The following ST14 variants were observed in gnomAD, a reference collection of about 807,000 sequenced individuals.
The protein encoded by ST14 is suppressor of tumorigenicity 14 protein.
Under a neutral mutation model 96.5 loss-of-function variants are expected in ST14, and 40 were observed. The observed-to-expected ratio is 0.41, with a 90% CI of 0.32 to 0.54. The LOEUF is 0.54. ST14 is among the 20% of genes least tolerant of loss of function. ST14 has a pLI of 0.17. For missense variants in ST14, 1,066 were observed against 1,188.9 expected, an observed-to-expected ratio of 0.90 and a Z score of 1.52; for synonymous variants, 506 against 492.1, an observed-to-expected ratio of 1.03 and a Z score of -0.37.
chr11:130,208,804 G>A, intron 17 of ST14, 120 bp downstream of exon 17: 2 of 1,300,084 alleles, frequency 1.5e-6, no homozygotes, highest in East Asian at 2.5e-5. Flanking sequence ...CTGCCTGGCA[G>A]AATGAGGCTG....
chr11:130,172,411 C>CTTTTT (rs1173051845), intron 1 of ST14, among the ~76,000 whole-genome samples: 4 of 88,296 alleles, frequency 4.5e-5, no homozygotes, highest in Non-Finnish European at 6.3e-5. Flanking sequence ...TGGCTGTCTT[C>CTTTTT]TTTTTTTTTT....
intron 7 of ST14, among the ~76,000 whole-genome samples, chr11:130,192,465 C>T (rs574941): frequency 0.81 from 123,204 of 152,224 alleles, 50,165 homozygotes; most frequent in East Asian, 0.95. Flanking sequence ...CTCGGCTCAC[C>T]GCAACCTCCG....
In ST14 at chr11:130,188,471, G is replaced by A. The variant is rs1953260379; in HGVS notation, c.242-59G>A. 8 of 1,611,132 alleles carry A rather than the reference G, an allele frequency of 5.0e-6. No homozygotes were observed. Among genetic ancestry groups the A allele is most frequent in the Non-Finnish European group, 5.1e-6 (6 of 1,179,728 alleles). On this transcript the variant is annotated intron_variant, in intron 2 of 18. Coordinates refer to ENST00000278742, the MANE Select transcript of ST14 (RefSeq NM_021978.4). The surrounding 1 kb of genome is among the most constrained non-coding windows in gnomAD (Gnocchi z 5.4). ...GCATTCATTCCCCATTGTGGACGGC[G>A]AGGGACAGGCGGGGGTGGTACCACC...
intron 1 of ST14, among the ~76,000 whole-genome samples, chr11:130,168,109 C>T (rs1020794904): frequency 6.6e-6 from 1 of 152,182 alleles, no homozygotes; most frequent in African/African-American, 2.4e-5. Flanking sequence ...AAGCTTTCAT[C>T]GAGGGAACAT....
At chr11:130,169,196 G>A (rs1167940118) in intron 1 of ST14, among the ~76,000 whole-genome samples, 1 of 147,260 alleles carries the variant, frequency 6.8e-6, no homozygotes, top group African/African-American at 2.5e-5. Flanking sequence ...CCTGGTTCAA[G>A]CGATTCTCCT....
chr11:130,162,019 T>C (rs1438151979), intron 1 of ST14, among the ~76,000 whole-genome samples: 1 of 152,200 alleles, frequency 6.6e-6, no homozygotes. Context: ...GTAGTGTGTG[T>C]TTGCAGCTAG....
chr11:130,184,365 A>G (rs778225990), intron 1 of ST14, among the ~76,000 whole-genome samples: 8 of 152,222 alleles, frequency 5.3e-5, no homozygotes, highest in Non-Finnish European at 1.2e-4. Flanking sequence ...AACGCAAAAT[A>G]CGGGAGAGAA....
intron 11 of ST14, 42 bp from the exon 12 acceptor site, chr11:130,197,799 G>T: frequency 6.7e-7 from 1 of 1,495,188 alleles, no homozygotes; most frequent in South Asian, 1.2e-5. Flanking sequence ...GCGGAGGGAG[G>T]TGGGTGGGTG....
intron 1 of ST14, among the ~76,000 whole-genome samples, chr11:130,164,869 C>T (rs904318146): frequency 2.6e-5 from 4 of 151,932 alleles, no homozygotes; most frequent in African/African-American, 9.7e-5. Flanking sequence ...TCCCGAGTAG[C>T]TGGGATTACA....
intron 16 of ST14, among the ~76,000 whole-genome samples, chr11:130,204,188 G>A (rs1224711792): frequency 7.9e-5 from 12 of 152,174 alleles, no homozygotes; most frequent in Non-Finnish European, 1.3e-4. Flanking sequence ...GTCATAGATC[G>A]CATCACAGAT....
chr11:130,209,440 A>G lies in ST14; in HGVS notation c.2270-2A>G. 4 of 1,580,374 alleles carry G rather than the reference A, an allele frequency of 2.5e-6. No homozygotes were observed. The highest frequency in any genetic ancestry group is 3.4e-6 in the Non-Finnish European group (4 of 1,163,290). On this transcript the variant is annotated splice_acceptor_variant, in intron 17 of 18. Coordinates refer to ENST00000278742, the MANE Select transcript of ST14 (RefSeq NM_021978.4). LOFTEE classifies it high-confidence loss of function. ...CTCAGCCCCGTCCTGCCCTCTCCCCAGGCACTGGCGCGCTGATCCTGCAAA... is the reference window on the plus strand; with the variant it reads ...CTCAGCCCCGTCCTGCCCTCTCCCCGGGCACTGGCGCGCTGATCCTGCAAA...
In ST14 at chr11:130,188,069, A is replaced by G; in HGVS notation, c.82-45A>G. The G allele has an allele frequency of 6.2e-7, 1 of 1,611,316 alleles. No homozygotes were observed. On this transcript the variant is annotated intron_variant, in intron 1 of 18. Transcript: ENST00000278742. This position sits in a 1 kb window ranked among gnomAD's most constrained non-coding sequence, Gnocchi z 5.4. ...ATCTTCCCCAGCGGGGTGCAGGGGA[A>G]GAGCGGGTGAGAGGGTCTGAGTGGT... is the stretch of plus-strand genomic sequence containing the variant.
chr11:130,194,163 A>ACCCT lies in ST14; in HGVS notation c.897_900dup (p.Tyr301LeufsTer22). 6.2e-7 allele frequency: 1 copy of ACCCT among 1,613,728 alleles called. No individual in the cohort carries two copies. The highest frequency in any genetic ancestry group is 2.2e-5 in the East Asian group (1 of 44,850). On this transcript the variant is annotated frameshift_variant, in exon 8 of 19. Transcript: ENST00000278742. LOFTEE classifies it high-confidence loss of function. ...TGCCCCCACAGGTTGTGTGGCACCT[A>ACCCT]CCCTCCCTCCTACAACCTGACCTTC...
chr11:130,190,697 G>A lies in ST14; in HGVS notation c.875+3G>A. Reference sequence around the variant, plus strand: ...ATGGAGCCCCACGCCCTGGTGCAGTGAGTACCCCGGGGGGCGGGTAGGGCT... The same window carrying A: ...ATGGAGCCCCACGCCCTGGTGCAGTAAGTACCCCGGGGGGCGGGTAGGGCT... On this transcript the variant is annotated splice_donor_region_variant and intron_variant, in intron 7 of 18. Coordinates refer to ENST00000278742, the MANE Select transcript of ST14 (RefSeq NM_021978.4). 1.3e-6 allele frequency: 2 copies of A among 1,575,220 alleles called. No individual in the cohort carries two copies. The highest frequency in any genetic ancestry group is 1.2e-5 in the South Asian group (1 of 86,528).
intron 1 of ST14, among the ~76,000 whole-genome samples, chr11:130,182,652 C>CT (rs766643910): frequency 0.059 from 8,037 of 137,328 alleles, 262 homozygotes; most frequent in East Asian, 0.15. Context: ...TGTTAAATAT[C>CT]TTTTTTTTTT....
In ST14 at chr11:130,196,463, G is replaced by C. The variant is rs779524328; in HGVS notation, c.1223+15G>C. 12 of 1,601,120 alleles carry C rather than the reference G, an allele frequency of 7.5e-6. No homozygotes were observed. In the Admixed American group the frequency reaches 2.1e-4, roughly 28 times the overall value. Reference sequence around the variant, plus strand: ...AACGGGGAGAAGTGAGTCCCCGGGGGTATGGGGGCTGCCGGGCCCATGCTG... The same window carrying C: ...AACGGGGAGAAGTGAGTCCCCGGGGCTATGGGGGCTGCCGGGCCCATGCTG... On this transcript the variant is annotated intron_variant, in intron 10 of 18. Coordinates refer to ENST00000278742, the MANE Select transcript of ST14 (RefSeq NM_021978.4).
In ST14 at chr11:130,160,077, G is replaced by A. The variant is rs762651539; in HGVS notation, c.81+17G>A. ...CGGCACGAGGTGAGCGCGGGCCGGG[G>A]ACCCGGGGCGCTGGGAAGCTCCTGC... On this transcript the variant is annotated intron_variant, in intron 1 of 18. Transcript: ENST00000278742. The A allele has an allele frequency of 1.4e-6, 2 of 1,414,052 alleles. No homozygotes were observed. Among genetic ancestry groups the A allele is most frequent in the Non-Finnish European group, 1.9e-6 (2 of 1,074,158 alleles). 87.6% of individuals were successfully genotyped at this position (1,414,052 alleles called of 1,614,324 possible). A position where few individuals can be genotyped will look rare whatever the true frequency, so the allele number is the denominator to read the frequency against.
At position 130,175,711 on chromosome 11, in the gene ST14, T is replaced by A. The variant is rs553114518; in HGVS notation, c.82-12403T>A. ...GAGTCTCACTCTTTCTTGCCCAGGCTGGAGTGCAATGGTGCGATCTCGGCT... is the reference window on the plus strand; with the variant it reads ...GAGTCTCACTCTTTCTTGCCCAGGCAGGAGTGCAATGGTGCGATCTCGGCT... On this transcript the variant is annotated intron_variant, in intron 1 of 18. Transcript: ENST00000278742. Among the ~76,000 whole-genome samples the A allele has an allele frequency of 8.6e-5, 13 of 151,354 alleles. No individual in the cohort carries two copies. The East Asian group carries it at 2.3e-3, about 27-fold the overall frequency.
At chr11:130,194,369 G>C in intron 8 of ST14, 81 bp downstream of exon 8, 1 of 1,576,214 alleles carries the variant, frequency 6.3e-7, no homozygotes, top group Non-Finnish European at 8.7e-7. Context: ...CCTGAGCTTA[G>C]GAGGCCACAG....
Sources: allele counts gnomAD v4.1 joint callset (sites outside exome capture counted in the v4.1 genomes callset), GRCh38; gene constraint gnomAD v4.1.1; non-coding constraint Gnocchi (gnomAD v3.1); transcripts MANE v1.5; gene names NCBI Gene and HGNC (gene_info 2026-07-23, HGNC 2026-07-21).